HDAC9: variants seen among roughly 807,000 people sequenced by gnomAD.
HDAC9 encodes MEF-2 interacting transcription repressor (MITR) protein.
HDAC9 carries 41 observed loss-of-function variants against 139.4 expected under a neutral mutation model. The observed-to-expected ratio is 0.29, with a 90% CI of 0.23 to 0.38. HDAC9 has a LOEUF of 0.38. Among genes scored for constraint, HDAC9 ranks in the 10% least tolerant of loss-of-function variants. The pLI is 1.00. For synonymous variants in HDAC9, 517 were observed against 476.2 expected, an observed-to-expected ratio of 1.09 and a Z score of -1.12; for missense variants, 1,147 against 1,297.0, an observed-to-expected ratio of 0.88 and a Z score of 1.78.
At chr7:18,773,379 AC>A (rs1790484974) in intron 16 of HDAC9, among the ~76,000 whole-genome samples, 2 of 87,134 alleles carry the variant, frequency 2.3e-5, no homozygotes, top group African/African-American at 1.1e-4. Flanking sequence ...ACACACACAC[AC>A]ACACACACAC....
At chr7:18,511,280 A>G (rs1801425552) in intron 2 of HDAC9, among the ~76,000 whole-genome samples, 1 of 152,224 alleles carries the variant, frequency 6.6e-6, no homozygotes, top group African/African-American at 2.4e-5. Flanking sequence ...TTATTATCCC[A>G]GTAATTAAAT....
At chr7:18,815,500 A>G (rs1301518885) in intron 17 of HDAC9, among the ~76,000 whole-genome samples, 3 of 152,248 alleles carry the variant, frequency 2.0e-5, no homozygotes, top group Non-Finnish European at 4.4e-5. Flanking sequence ...CTTAAATTAC[A>G]TGCAATAGAA....
chr7:18,140,134 G>T (rs1443473780), intron 1 of HDAC9, among the ~76,000 whole-genome samples: 1 of 152,006 alleles, frequency 6.6e-6, no homozygotes, highest in African/African-American at 2.4e-5. Flanking sequence ...CCAAAGCCAG[G>T]GTACTCATTA....
At chr7:18,145,023 T>C (rs951790098) in intron 1 of HDAC9, among the ~76,000 whole-genome samples, 1 of 152,222 alleles carries the variant, frequency 6.6e-6, no homozygotes, top group Non-Finnish European at 1.5e-5. Context: ...CCACAAAGAC[T>C]TAAGTTTCAC....
chr7:18,312,341 C>T (rs1267251445), intron 1 of HDAC9, among the ~76,000 whole-genome samples: 1 of 152,054 alleles, frequency 6.6e-6, no homozygotes, highest in Non-Finnish European at 1.5e-5. Flanking sequence ...TTCCAGAATG[C>T]TATGCTGTGT....
intron 14 of HDAC9, among the ~76,000 whole-genome samples, chr7:18,759,411 C>T (rs937068546): frequency 6.6e-6 from 1 of 151,970 alleles, no homozygotes; most frequent in African/African-American, 2.4e-5. Flanking sequence ...CTATTGTGAA[C>T]TGCGCATGTG....
chr7:18,561,060 AAAC>A (rs1820438596), intron 2 of HDAC9, among the ~76,000 whole-genome samples: 1 of 152,228 alleles, frequency 6.6e-6, no homozygotes, highest in South Asian at 2.1e-4. Flanking sequence ...GGATAAAAAG[AAAC>A]AACAACAAAA....
chr7:18,943,970 AATCT>A (rs1487606391), intron 23 of HDAC9, among the ~76,000 whole-genome samples: 1 of 152,128 alleles, frequency 6.6e-6, no homozygotes, highest in Non-Finnish European at 1.5e-5. Flanking sequence ...TATTTCCCCC[AATCT>A]ATTTGGTCAA....
chr7:18,140,159 A>C (rs189870752), intron 1 of HDAC9, among the ~76,000 whole-genome samples: 68 of 152,228 alleles, frequency 4.5e-4, no homozygotes, highest in Non-Finnish European at 8.5e-4. Context: ...AATAAAATTC[A>C]TATCTTCCCA....
At chr7:18,758,103 A>C (rs1789043571) in intron 14 of HDAC9, among the ~76,000 whole-genome samples, 1 of 152,232 alleles carries the variant, frequency 6.6e-6, no homozygotes, top group African/African-American at 2.4e-5. Context: ...CTACATCACA[A>C]ATTTCTTTAT....
At chr7:18,864,710 G>A (rs950506530) in intron 21 of HDAC9, among the ~76,000 whole-genome samples, 4 of 152,044 alleles carry the variant, frequency 2.6e-5, no homozygotes, top group Non-Finnish European at 4.4e-5. Context: ...TACAGAGACA[G>A]AAATTGGAAT....
At chr7:18,850,012 GT>G (rs1797165048) in intron 21 of HDAC9, among the ~76,000 whole-genome samples, 1 of 145,498 alleles carries the variant, frequency 6.9e-6, no homozygotes, top group Non-Finnish European at 1.5e-5. Context: ...GTCCTTAGTA[GT>G]TTGCTTAAAT....
intron 1 of HDAC9, among the ~76,000 whole-genome samples, chr7:18,468,517 G>A (rs1794476687): frequency 6.6e-6 from 1 of 151,930 alleles, no homozygotes; most frequent in Non-Finnish European, 1.5e-5. Context: ...TGATCATAGT[G>A]TAATACAGCC....
At chr7:18,761,681 A>C (rs1332730900) in intron 14 of HDAC9, among the ~76,000 whole-genome samples, 2 of 152,204 alleles carry the variant, frequency 1.3e-5, no homozygotes, top group Non-Finnish European at 2.9e-5. Context: ...TGTGAGGTGC[A>C]CACATGGGAA....
At chr7:18,605,793 G>T (rs958384015) in intron 6 of HDAC9, among the ~76,000 whole-genome samples, 1 of 152,076 alleles carries the variant, frequency 6.6e-6, no homozygotes, top group Non-Finnish European at 1.5e-5. Context: ...CTATTCTCCT[G>T]CCTCAGCCTC....
chr7:18,215,066 G>T (rs929223392), intron 2 of HDAC9, among the ~76,000 whole-genome samples: 4 of 152,006 alleles, frequency 2.6e-5, no homozygotes, highest in African/African-American at 9.7e-5. Flanking sequence ...GTTATTTGTT[G>T]TTTCTTGGAA....
intron 2 of HDAC9, among the ~76,000 whole-genome samples, chr7:18,544,073 A>G (rs1394433509): frequency 6.6e-6 from 1 of 152,204 alleles, no homozygotes; most frequent in Non-Finnish European, 1.5e-5. Context: ...CTAAGAGGCA[A>G]CCTTCTGGCT....
chr7:18,862,794 T>A (rs559473161), intron 21 of HDAC9, among the ~76,000 whole-genome samples: 1 of 152,304 alleles, frequency 6.6e-6, no homozygotes, highest in African/African-American at 2.4e-5. Context: ...AAGAGGAAAT[T>A]CATTTTGAGA....
chr7:18,143,548 G>A (rs1480873905), intron 1 of HDAC9, among the ~76,000 whole-genome samples: 1 of 152,104 alleles, frequency 6.6e-6, no homozygotes, highest in Non-Finnish European at 1.5e-5. Context: ...TGTTTCTTGG[G>A]AGGCCGAGGC....
Sources: allele counts gnomAD v4.1 joint callset (sites outside exome capture counted in the v4.1 genomes callset), GRCh38; gene constraint gnomAD v4.1.1; transcripts MANE v1.5; gene names NCBI Gene and HGNC (gene_info 2026-07-23, HGNC 2026-07-21).